The following CNTNAP2 variants were observed in gnomAD, a reference collection of about 807,000 sequenced individuals.
CNTNAP2 encodes contactin-associated protein-like 2.
In CNTNAP2, 98 loss-of-function variants were observed where a neutral mutation model predicts 155.2. The ratio of observed to expected loss-of-function variants is 0.63; its 90% CI spans 0.54 to 0.75. The LOEUF (loss-of-function observed/expected upper bound fraction) is 0.75, where lower values mean the gene tolerates loss of function less well. Among genes scored for constraint, CNTNAP2 ranks in the 30% least tolerant of loss-of-function variants. The pLI, the probability that CNTNAP2 is intolerant of heterozygous loss-of-function variation, is 0.00. For missense variants in CNTNAP2, 1,727 were observed against 1,688.1 expected (o/e 1.02, Z -0.40); for synonymous variants, 651 against 631.2 (o/e 1.03, Z -0.47).
intron 1 of CNTNAP2, among the ~76,000 whole-genome samples, chr7:146,228,602 A>G (rs966732689): frequency 9.2e-5 from 14 of 152,188 alleles, no homozygotes; most frequent in African/African-American, 3.4e-4. Flanking sequence ...ATCCAAATCT[A>G]TTCAGAATGA....
chr7:147,353,919 G>T lies in CNTNAP2; in HGVS notation c.1499-41690G>T, dbSNP rs568504476. ...GTGATGATGAGCTTTTTTCATGTTT[G>T]TTGGTCGCAAAAATGTCTTCCTTTG... On this transcript the variant is annotated intron_variant, in intron 9 of 23. Coordinates refer to ENST00000361727, the MANE Select transcript of CNTNAP2 (RefSeq NM_014141.6). Among the ~76,000 whole-genome samples, 51 of 151,640 alleles carry T rather than the reference G, an allele frequency of 3.4e-4. No individual in the cohort carries two copies. In the South Asian group the frequency reaches 0.01, roughly 30 times the overall value.
chr7:148,415,767 T>G lies in CNTNAP2; in HGVS notation c.*151T>G. The G allele has an allele frequency of 1.2e-6, 1 of 806,844 alleles. No individual in the cohort carries two copies. The highest frequency in any genetic ancestry group is 2.7e-5 in the East Asian group (1 of 36,478). 50.0% of individuals were successfully genotyped at this position (806,844 alleles called of 1,614,324 possible). ...GGCAATGGAATATAATGGAATATTCTTGAGACTGATCACAAAAAAAAAAAC... is the reference window on the plus strand; with the variant it reads ...GGCAATGGAATATAATGGAATATTCGTGAGACTGATCACAAAAAAAAAAAC... On this transcript the variant is annotated 3_prime_UTR_variant, in exon 24 of 24. Transcript: ENST00000361727.
intron 15 of CNTNAP2, among the ~76,000 whole-genome samples, chr7:148,060,587 A>G (rs765098684): frequency 1.3e-5 from 2 of 152,360 alleles, no homozygotes; most frequent in East Asian, 1.9e-4. Flanking sequence ...ATGTATCAAC[A>G]TAGTAACTCT....
At chr7:147,141,660 C>A (rs1385729377) in intron 8 of CNTNAP2, among the ~76,000 whole-genome samples, 4 of 152,076 alleles carry the variant, frequency 2.6e-5, no homozygotes, top group Non-Finnish European at 5.9e-5. Flanking sequence ...AGTCACTAAC[C>A]TTGGCCACTA....
intron 1 of CNTNAP2, among the ~76,000 whole-genome samples, chr7:146,415,226 C>CCACACACACATA (rs201309627): frequency 6.6e-6 from 1 of 151,850 alleles, no homozygotes; most frequent in Admixed American, 6.6e-5. Flanking sequence ...ACATACCACA[C>CCACACACACATA]CACACACACA....
intron 13 of CNTNAP2, among the ~76,000 whole-genome samples, chr7:147,838,900 G>C (rs992232004): frequency 4.6e-5 from 7 of 151,910 alleles, no homozygotes; most frequent in Admixed American, 2.0e-4. Context: ...TCTGTATTAG[G>C]GTTCTCTAGA....
intron 2 of CNTNAP2, among the ~76,000 whole-genome samples, chr7:146,819,607 C>T (rs1181670687): frequency 6.6e-6 from 1 of 152,138 alleles, no homozygotes; most frequent in Admixed American, 6.6e-5. Flanking sequence ...ACTGATGACT[C>T]CTAAATTTAT....
At position 146,342,920 on chromosome 7, in the gene CNTNAP2, G is replaced by T. The variant is rs149838432; in HGVS notation, c.97+225947G>T. ...TTTTTCAAATGTAACTGCAGAATTAGAATGCAGAATTGCTTCTCAAGCACA... is the reference window on the plus strand; with the variant it reads ...TTTTTCAAATGTAACTGCAGAATTATAATGCAGAATTGCTTCTCAAGCACA... On this transcript the variant is annotated intron_variant, in intron 1 of 23. Coordinates refer to ENST00000361727, the MANE Select transcript of CNTNAP2 (RefSeq NM_014141.6). Among the ~76,000 whole-genome samples the T allele has an allele frequency of 3.0e-4, 46 of 152,296 alleles. 1 individual carries two copies. In the East Asian group the frequency reaches 8.5e-3, roughly 28 times the overall value.
chr7:148,020,618 T>G lies in CNTNAP2; in HGVS notation c.2383+42629T>G, dbSNP rs112146355. Among the ~76,000 whole-genome samples the G allele has an allele frequency of 3.9e-5, 6 of 152,210 alleles. 1 individual carries two copies. Among genetic ancestry groups the G allele is most frequent in the African/African-American group, 1.4e-4 (6 of 41,522 alleles). ...GAGGACTAAGTGAATAAAGAAGGAG[T>G]GAATTATATGATTGTCTACCCCACA... On this transcript the variant is annotated intron_variant, in intron 15 of 23. Coordinates refer to ENST00000361727, the MANE Select transcript of CNTNAP2 (RefSeq NM_014141.6).
chr7:148,241,646 C>T (rs1303684008), intron 20 of CNTNAP2, among the ~76,000 whole-genome samples: 1 of 152,146 alleles, frequency 6.6e-6, no homozygotes, highest in Non-Finnish European at 1.5e-5. Context: ...GGGGGAGGAT[C>T]ACATTAGCTT....
intron 15 of CNTNAP2, among the ~76,000 whole-genome samples, chr7:148,083,715 G>C (rs1345310764): frequency 1.3e-5 from 2 of 152,076 alleles, no homozygotes; most frequent in South Asian, 2.1e-4. Flanking sequence ...CTTATCTCTA[G>C]AGCCTCTCAG....
At chr7:146,560,789 C>T (rs960380996) in intron 1 of CNTNAP2, among the ~76,000 whole-genome samples, 22 of 152,092 alleles carry the variant, frequency 1.4e-4, no homozygotes, top group Non-Finnish European at 2.8e-4. Context: ...TATCTCCAGC[C>T]GCATCTAGTA....
At chr7:148,409,791 C>T (rs1799785372) in intron 23 of CNTNAP2, among the ~76,000 whole-genome samples, 1 of 119,532 alleles carries the variant, frequency 8.4e-6, no homozygotes, top group Non-Finnish European at 1.8e-5. Flanking sequence ...GTGGCTCACG[C>T]CTGTAATCCC....
At position 146,516,461 on chromosome 7, in the gene CNTNAP2, T is replaced by C. The variant is rs192072096; in HGVS notation, c.98-257810T>C. Among the ~76,000 whole-genome samples, 9 of 152,120 alleles carry C rather than the reference T, an allele frequency of 5.9e-5. No homozygotes were observed. The East Asian group carries it at 1.7e-3, about 29-fold the overall frequency. On this transcript the variant is annotated intron_variant, in intron 1 of 23. Transcript: ENST00000361727. ...AGTTATTTAAAATAAATTTTCCTCA[T>C]ATGGAAGTTGAATGTTTTACAGCAG...
intron 1 of CNTNAP2, among the ~76,000 whole-genome samples, chr7:146,579,046 T>C (rs1261055882): frequency 6.6e-6 from 1 of 152,192 alleles, no homozygotes; most frequent in African/African-American, 2.4e-5. Context: ...TTTATTTGTC[T>C]ACTAAATATG....
chr7:147,115,487 T>C (rs1800967654), intron 5 of CNTNAP2, among the ~76,000 whole-genome samples: 3 of 152,170 alleles, frequency 2.0e-5, no homozygotes, highest in Admixed American at 2.0e-4. Context: ...TTTACATAAT[T>C]CCATATTTCT....
chr7:147,338,731 A>T (rs1795705992), intron 9 of CNTNAP2, among the ~76,000 whole-genome samples: 1 of 152,104 alleles, frequency 6.6e-6, no homozygotes, highest in African/African-American at 2.4e-5. Flanking sequence ...CAGGAAAAAA[A>T]ACTCCATAAA....
intron 1 of CNTNAP2, among the ~76,000 whole-genome samples, chr7:146,488,702 ACTTGCAGCTTCGAC>A (rs1480286688): frequency 6.6e-6 from 1 of 152,044 alleles, no homozygotes; most frequent in African/African-American, 2.4e-5. Context: ...ATTTTGGCTC[ACTTGCAGCTTCGAC>A]CTCCCAGGCT....
rs752550849 is a variant in CNTNAP2 at position 147,300,239 on chromosome 7, C to G, written c.1447C>G (p.Arg483Gly). 1.2e-6 allele frequency: 2 copies of G among 1,613,890 alleles called. No individual in the cohort carries two copies. The highest frequency in any genetic ancestry group is 1.7e-6 in the Non-Finnish European group (2 of 1,179,900). The change falls in exon 9 of 24, where the codon CGA becomes GGA. Residue 483 changes from arginine (R) to glycine (G), a missense_variant. Transcript: ENST00000361727. ...CGATGGAGATGAAGCATCAGCAGTT[C>G]GAACTAATAGTCCCCTTCAAGTTAA... Reference protein sequence around the residue: ...TIDGDEASAVRTNSPLQVKTG... With the variant: ...TIDGDEASAVGTNSPLQVKTG...
Sources: gnomAD v4.1 joint callset for allele counts (sites outside exome capture counted in the v4.1 genomes callset) on GRCh38, gnomAD v4.1.1 for gene constraint, MANE v1.5 for transcripts, NCBI Gene and HGNC (gene_info 2026-07-23, HGNC 2026-07-21) for gene names.